The following CNTNAP5 variants were observed in gnomAD, a reference collection of about 807,000 sequenced individuals.
CNTNAP5 encodes the protein contactin associated protein family member 5.
CNTNAP5 carries 72 observed loss-of-function variants against 150.2 expected under a neutral mutation model. That is an observed-to-expected ratio of 0.48 (90% CI 0.40 to 0.58). The LOEUF is 0.58. Among genes scored for constraint, CNTNAP5 ranks in the 20% least tolerant of loss-of-function variants. The pLI is 0.00. For missense variants in CNTNAP5, 1,636 were observed against 1,626.2 expected (o/e 1.01, Z -0.10); for synonymous variants, 672 against 619.8 (o/e 1.08, Z -1.25).
chr2:124,762,305 T>C (rs1466719834), intron 14 of CNTNAP5, among the ~76,000 whole-genome samples: 2 of 152,158 alleles, frequency 1.3e-5, no homozygotes, highest in African/African-American at 4.8e-5. Flanking sequence ...ATTTGACTTA[T>C]TCATAATCAA....
At chr2:124,483,373 G>A (rs1693802336) in intron 7 of CNTNAP5, among the ~76,000 whole-genome samples, 1 of 152,212 alleles carries the variant, frequency 6.6e-6, no homozygotes, top group African/African-American at 2.4e-5. Context: ...ATGGAAGGCT[G>A]AAATTGTTAA....
At chr2:124,124,832 G>A (rs1431714407) in intron 1 of CNTNAP5, among the ~76,000 whole-genome samples, 1 of 152,158 alleles carries the variant, frequency 6.6e-6, no homozygotes, top group Non-Finnish European at 1.5e-5. Context: ...AAGTGGAGGA[G>A]AAATAAAATC....
At chr2:124,200,865 T>C (rs1194119323) in intron 1 of CNTNAP5, among the ~76,000 whole-genome samples, 1 of 152,110 alleles carries the variant, frequency 6.6e-6, no homozygotes, top group Non-Finnish European at 1.5e-5. Flanking sequence ...TTTCCTGCAG[T>C]TTTCCATCCC....
chr2:124,591,558 G>A (rs568608783), intron 11 of CNTNAP5, among the ~76,000 whole-genome samples: 1 of 152,258 alleles, frequency 6.6e-6, no homozygotes, highest in South Asian at 2.1e-4. Flanking sequence ...TCTGGAGGAA[G>A]GAAGCCTTGG....
intron 13 of CNTNAP5, among the ~76,000 whole-genome samples, chr2:124,685,759 T>TGC (rs767497427): frequency 5.0e-4 from 64 of 127,626 alleles, no homozygotes; most frequent in Admixed American, 6.9e-4. Flanking sequence ...TGTGTGTGTG[T>TGC]GTGCGCGCGC....
intron 1 of CNTNAP5, among the ~76,000 whole-genome samples, chr2:124,073,681 G>T (rs563240038): frequency 1.7e-4 from 26 of 149,286 alleles, no homozygotes; most frequent in African/African-American, 6.3e-4. Flanking sequence ...CAAATGTCAG[G>T]CAATAACCAA....
intron 1 of CNTNAP5, among the ~76,000 whole-genome samples, chr2:124,113,506 A>ATGTGTGTGTGTGTG (rs138877401): frequency 7.0e-6 from 1 of 142,888 alleles, no homozygotes; most frequent in African/African-American, 2.6e-5. Flanking sequence ...ATACATATAT[A>ATGTGTGTGTGTGTG]TGTGTGTGTG....
rs147466635 is a variant in CNTNAP5, at chr2:124,910,168, A to T, written c.3656-1299A>T. 1.4e-3 allele frequency among the ~76,000 whole-genome samples: 220 copies of T among 152,078 alleles called. 2 individuals carry two copies. The Middle Eastern group carries it at 0.017, about 12-fold the overall frequency. On this transcript the variant is annotated intron_variant, in intron 22 of 23. Coordinates refer to ENST00000682447, the MANE Select transcript of CNTNAP5 (RefSeq NM_001367498.1). ...TCACTTGAAGACACAATAAATACTT[A>T]CCAAACATCTTTCACGTGTGTCTCC...
At chr2:124,254,925 A>T (rs771000306) in intron 3 of CNTNAP5, among the ~76,000 whole-genome samples, 4 of 152,172 alleles carry the variant, frequency 2.6e-5, no homozygotes, top group Non-Finnish European at 4.4e-5. Context: ...ACCTCCTTCC[A>T]CTAGATAAGA....
intron 16 of CNTNAP5, 84 bp downstream of exon 16, chr2:124,764,231 A>G (rs1472811466): frequency 9.7e-7 from 1 of 1,031,700 alleles, no homozygotes; most frequent in African/African-American, 1.6e-5. Context: ...ACTAGTGGGC[A>G]TTTGTACCAG....
chr2:124,118,726 C>A (rs755829320), intron 1 of CNTNAP5, among the ~76,000 whole-genome samples: 6 of 152,182 alleles, frequency 3.9e-5, no homozygotes, highest in Non-Finnish European at 8.8e-5. Context: ...GGAGGACCAA[C>A]ATTTGCGAAG....
chr2:124,244,446 C>G (rs892841020), intron 3 of CNTNAP5, among the ~76,000 whole-genome samples: 12 of 152,088 alleles, frequency 7.9e-5, no homozygotes, highest in African/African-American at 2.9e-4. Context: ...GCATCCCAAA[C>G]AGCCTTGACA....
intron 13 of CNTNAP5, among the ~76,000 whole-genome samples, chr2:124,746,308 A>C (rs1025543466): frequency 6.6e-6 from 1 of 152,176 alleles, no homozygotes; most frequent in Non-Finnish European, 1.5e-5. Context: ...AATATTCTCA[A>C]TCATAAAAAA....
intron 1 of CNTNAP5, among the ~76,000 whole-genome samples, chr2:124,026,833 C>T (rs905635623): frequency 8.5e-5 from 13 of 152,170 alleles, no homozygotes; most frequent in African/African-American, 2.9e-4. Context: ...AGATTACTTA[C>T]CACATAGGGA....
At chr2:124,654,602 T>C (rs1678400311) in intron 13 of CNTNAP5, among the ~76,000 whole-genome samples, 1 of 152,172 alleles carries the variant, frequency 6.6e-6, no homozygotes, top group African/African-American at 2.4e-5. Flanking sequence ...CTTCACCCGC[T>C]ATGTTCTTGC....
Position 124,746,348 on chromosome 2 carries a change from T to C in CNTNAP5, c.2078-881T>C, listed in dbSNP as rs186065378. ...ACAGATTTCACTAAACTACATTTTG[T>C]AAAGAAAAAAATTGAGAAGGACAAG... On this transcript the variant is annotated intron_variant, in intron 13 of 23. Coordinates refer to ENST00000682447, the MANE Select transcript of CNTNAP5 (RefSeq NM_001367498.1). Among the ~76,000 whole-genome samples the C allele has an allele frequency of 1.2e-4, 18 of 152,164 alleles. No homozygotes were observed. The East Asian group carries it at 2.9e-3, about 25-fold the overall frequency.
At chr2:124,681,918 A>T (rs900560048) in intron 13 of CNTNAP5, among the ~76,000 whole-genome samples, 1 of 152,020 alleles carries the variant, frequency 6.6e-6, no homozygotes, top group African/African-American at 2.4e-5. Context: ...CCTAGTGATT[A>T]TGTCTCTGTC....
rs778760965 is a variant in CNTNAP5, at chr2:124,434,614, T to A, written c.660T>A (p.His220Gln). 6.2e-7 allele frequency: 1 copy of A among 1,613,896 alleles called. No homozygotes were observed. The highest frequency in any genetic ancestry group is 8.5e-7 in the Non-Finnish European group (1 of 1,179,840). ...KSMQGDGVLF[H>Q]GEGQRGDHIT... ...TGCAAGGAGATGGGGTCCTGTTCCA[T>A]GGAGAAGGTCAGCGTGGAGACCACA... Residue 220 changes from histidine to glutamine, a missense_variant, in exon 5 of 24, where the codon CAT becomes CAA. Transcript: ENST00000682447.
chr2:124,056,467 AC>A (rs1681848997), intron 1 of CNTNAP5, among the ~76,000 whole-genome samples: 2 of 5,680 alleles, frequency 3.5e-4, no homozygotes, highest in Admixed American at 3.3e-3. Flanking sequence ...TACTAAAAAT[AC>A]AAAAAAAAAG....
Sources: allele counts gnomAD v4.1 joint callset (sites outside exome capture counted in the v4.1 genomes callset), GRCh38; gene constraint gnomAD v4.1.1; transcripts MANE v1.5; gene names NCBI Gene and HGNC (gene_info 2026-07-23, HGNC 2026-07-21).